The following CNNM2 variants were observed in gnomAD, a reference collection of about 807,000 sequenced individuals.
The protein encoded by CNNM2 is metal transporter CNNM2.
CNNM2 carries 12 observed loss-of-function variants against 66.9 expected under a neutral mutation model. The ratio of observed to expected loss-of-function variants is 0.18; its 90% confidence interval spans 0.11 to 0.29. The LOEUF is 0.29. Ranked by LOEUF, CNNM2 falls within the 10% of genes least tolerant of loss-of-function variation. CNNM2 has a pLI of 1.00. For missense variants in CNNM2, 705 were observed against 1,167.7 expected (o/e 0.60, Z 5.77); for synonymous variants, 557 against 501.8 (o/e 1.11, Z -1.47).
intron 6 of CNNM2, among the ~76,000 whole-genome samples, chr10:103,075,488 G>A (rs1346442522): frequency 2.6e-5 from 4 of 152,098 alleles, no homozygotes; most frequent in African/African-American, 7.2e-5. Flanking sequence ...ACTCAAACTC[G>A]TTAGGGATTT....
intron 1 of CNNM2, among the ~76,000 whole-genome samples, chr10:102,924,140 T>A (rs1002150161): frequency 2.0e-5 from 3 of 152,284 alleles, no homozygotes; most frequent in African/African-American, 7.2e-5. Flanking sequence ...TTATGAGAAT[T>A]TTAGAAAAAC....
chr10:102,927,349 C>T, intron 1 of CNNM2: 1 of 1,613,782 alleles, frequency 6.2e-7, no homozygotes, highest in Non-Finnish European at 8.5e-7. Flanking sequence ...TCTCAGAACA[C>T]ACAAACAAGA....
At chr10:103,056,735 A>G in intron 3 of CNNM2, 60 bp from the exon 4 acceptor site, 1 of 1,446,938 alleles carries the variant, frequency 6.9e-7, no homozygotes, top group East Asian at 2.4e-5. Context: ...ATTACTATTA[A>G]TAGTATAATT....
At position 103,086,337 on chromosome 10, in the gene CNNM2, C is replaced by G. The variant is rs911441877; in HGVS notation, c.*9157C>G. On this transcript the variant is annotated 3_prime_UTR_variant, in exon 8 of 8. Transcript: ENST00000369878. Reference sequence around the variant, plus strand: ...TACTAAGCCCAGTGAGGAATTGGAGCGTTAACTGTATGGCAATAGCTAGAT... The same window carrying G: ...TACTAAGCCCAGTGAGGAATTGGAGGGTTAACTGTATGGCAATAGCTAGAT... 1.3e-5 allele frequency: 2 copies of G among 152,142 alleles called. No individual in the cohort carries two copies. Among genetic ancestry groups the G allele is most frequent in the African/African-American group, 4.8e-5 (2 of 41,406 alleles). The allele number at this position is 152,142 out of a possible 1,614,324, so 9.4% of individuals were successfully genotyped here.
chr10:102,993,683 T>C (rs1360806007), intron 1 of CNNM2, among the ~76,000 whole-genome samples: 1 of 152,276 alleles, frequency 6.6e-6, no homozygotes, highest in East Asian at 1.9e-4. Flanking sequence ...GTATTCTTTG[T>C]TGTTAATTTC....
chr10:103,088,739 T>C lies in CNNM2; in HGVS notation c.*11559T>C, dbSNP rs971172588. 5.6e-6 allele frequency: 1 copy of C among 179,340 alleles called. No individual in the cohort carries two copies. Among genetic ancestry groups the C allele is most frequent in the African/African-American group, 2.4e-5 (1 of 42,348 alleles). 11.1% of individuals were successfully genotyped at this position (179,340 alleles called of 1,614,324 possible). ...TTCACACTGATTGTGCCCTCTACTT[T>C]AGTAAGGTTCTGGCTTACAGAGCCC... On this transcript the variant is annotated 3_prime_UTR_variant, in exon 8 of 8. Coordinates refer to ENST00000369878, the MANE Select transcript of CNNM2 (RefSeq NM_017649.5).
chr10:103,064,106 G>A (rs1161967707), intron 4 of CNNM2, among the ~76,000 whole-genome samples: 1 of 152,160 alleles, frequency 6.6e-6, no homozygotes, highest in African/African-American at 2.4e-5. Context: ...GTCATAGAAT[G>A]CTATTATAGA....
intron 1 of CNNM2, among the ~76,000 whole-genome samples, chr10:103,015,340 C>A (rs1327051224): frequency 6.6e-6 from 1 of 152,136 alleles, no homozygotes. Flanking sequence ...AATTTTTGAC[C>A]ACAATCTCTT....
At chr10:103,076,574 G>T (rs150026172) in intron 7 of CNNM2, among the ~76,000 whole-genome samples, 1 of 152,204 alleles carries the variant, frequency 6.6e-6, no homozygotes, top group Non-Finnish European at 1.5e-5. Flanking sequence ...TCCTGGGTGC[G>T]TGGCTCCCTG....
intron 5 of CNNM2, among the ~76,000 whole-genome samples, chr10:103,070,546 A>G (rs2065561166): frequency 6.6e-6 from 1 of 152,192 alleles, no homozygotes; most frequent in Admixed American, 6.5e-5. Flanking sequence ...TGGCTTTGAA[A>G]ATAAACTAGG....
intron 4 of CNNM2, among the ~76,000 whole-genome samples, chr10:103,060,529 A>T (rs965472849): frequency 2.0e-5 from 3 of 152,238 alleles, no homozygotes; most frequent in Non-Finnish European, 4.4e-5. Context: ...TGAGGGACAG[A>T]GTGAGACCCC....
intron 1 of CNNM2, among the ~76,000 whole-genome samples, chr10:103,018,487 A>C (rs367705870): frequency 6.6e-6 from 1 of 152,288 alleles, no homozygotes; most frequent in East Asian, 1.9e-4. Context: ...ATAGATAATG[A>C]AAATTTTGAG....
At chr10:103,035,184 T>A (rs796823996) in intron 1 of CNNM2, among the ~76,000 whole-genome samples, 8 of 152,228 alleles carry the variant, frequency 5.3e-5, no homozygotes, top group African/African-American at 1.7e-4. Context: ...GACTACTAAG[T>A]AGTCTGGTCA....
chr10:102,942,015 G>A (rs1285110724), intron 1 of CNNM2, among the ~76,000 whole-genome samples: 2 of 152,174 alleles, frequency 1.3e-5, no homozygotes, highest in Non-Finnish European at 2.9e-5. Context: ...TTCCTAGGAA[G>A]CCATTTGGCT....
intron 1 of CNNM2, among the ~76,000 whole-genome samples, chr10:102,985,152 A>G (rs1489022684): frequency 6.6e-6 from 1 of 152,134 alleles, no homozygotes; most frequent in Non-Finnish European, 1.5e-5. Context: ...TGCTTTGTGT[A>G]GGAAACCCTG....
chr10:103,016,809 G>A (rs1564846506), intron 1 of CNNM2, among the ~76,000 whole-genome samples: 1 of 152,088 alleles, frequency 6.6e-6, no homozygotes, highest in East Asian at 1.9e-4. Context: ...ACTCTTGCCC[G>A]TAGCCTCCTT....
chr10:103,052,829 A>G (rs1001454777), intron 2 of CNNM2, among the ~76,000 whole-genome samples: 5 of 152,178 alleles, frequency 3.3e-5, no homozygotes, highest in Admixed American at 6.5e-5. Context: ...TATATTCTTG[A>G]TCTGGATAGA....
intron 1 of CNNM2, among the ~76,000 whole-genome samples, chr10:102,978,655 G>T (rs2063674084): frequency 6.6e-6 from 1 of 152,080 alleles, no homozygotes; most frequent in Non-Finnish European, 1.5e-5. Context: ...ATGTTTATAA[G>T]CACACACAAA....
At chr10:103,006,721 A>G (rs1010068082) in intron 1 of CNNM2, among the ~76,000 whole-genome samples, 6 of 152,106 alleles carry the variant, frequency 3.9e-5, no homozygotes, top group African/African-American at 1.4e-4. Flanking sequence ...TGACCCCTCT[A>G]GCTCAAGCGG....
Sources: allele counts gnomAD v4.1 joint callset (sites outside exome capture counted in the v4.1 genomes callset), GRCh38; gene constraint gnomAD v4.1.1; transcripts MANE v1.5; gene names NCBI Gene and HGNC (gene_info 2026-07-23, HGNC 2026-07-21).